Variants in INPP5D observed in about 807,000 individuals in gnomAD.
The protein encoded by INPP5D is inositol polyphosphate-5-phosphatase D.
INPP5D carries 33 observed loss-of-function variants against 122.9 expected under a neutral mutation model. The observed-to-expected ratio is 0.27, with a 90% CI of 0.20 to 0.36. The LOEUF is 0.36. INPP5D is among the 10% of genes least tolerant of loss of function. The probability of loss-of-function intolerance (pLI) is 1.00; values close to 1 mark genes in which losing one functional copy is unlikely to be tolerated. For missense variants in INPP5D, 1,053 were observed against 1,412.7 expected (o/e 0.75, Z 4.08); for synonymous variants, 584 against 576.2 (o/e 1.01, Z -0.19).
chr2:233,121,677 G>C lies in INPP5D; in HGVS notation c.199-430G>C, dbSNP rs527532909. 7.5e-4 allele frequency among the ~76,000 whole-genome samples: 113 copies of C among 151,334 alleles called. 1 individual carries two copies. Among genetic ancestry groups the C allele is most frequent in the African/African-American group, 2.6e-3 (106 of 41,016 alleles). On this transcript the variant is annotated intron_variant, in intron 2 of 26. Transcript: ENST00000445964. ...ATTACAGGCACCTGCCACCACGCCC[G>C]GCTAATTTTTGTATTCTTTTTTTTT...
intron 2 of INPP5D, among the ~76,000 whole-genome samples, chr2:233,087,629 G>A (rs1691887589): frequency 6.6e-6 from 1 of 151,948 alleles, no homozygotes; most frequent in African/African-American, 2.4e-5. Context: ...CCAGCCCTGA[G>A]GTATTTGAAA....
chr2:233,130,684 C>G, intron 5 of INPP5D, 36 bp downstream of exon 5: 1 of 1,611,500 alleles, frequency 6.2e-7, no homozygotes, highest in Non-Finnish European at 8.5e-7. Flanking sequence ...CAGGTGGGGG[C>G]GGCCACCAGG....
chr2:233,180,862 C>T (rs972709610), intron 18 of INPP5D, among the ~76,000 whole-genome samples: 3 of 150,470 alleles, frequency 2.0e-5, no homozygotes, highest in Non-Finnish European at 4.4e-5. Flanking sequence ...TTAGTAGAGA[C>T]GGGGTTTTGC....
intron 5 of INPP5D, chr2:233,131,032 A>T: frequency 3.7e-6 from 1 of 266,922 alleles, no homozygotes; most frequent in Non-Finnish European, 5.8e-6. Flanking sequence ...ATCAAAAGGA[A>T]ATAAATTAAA....
chr2:233,172,636 AACCCAGAGAAAAT>A (rs1401246433), intron 17 of INPP5D, among the ~76,000 whole-genome samples: 1 of 152,226 alleles, frequency 6.6e-6, no homozygotes, highest in Admixed American at 6.5e-5. Flanking sequence ...TCAGTGGAAG[AACCCAGAGAAAAT>A]ACCCAGAAGG....
chr2:233,206,437 G>A lies in INPP5D; in HGVS notation c.3568-269G>A, dbSNP rs1472514418. Among the ~76,000 whole-genome samples the A allele has an allele frequency of 6.6e-6, 1 of 152,048 alleles. No homozygotes were observed. The highest frequency in any genetic ancestry group is 2.4e-5 in the African/African-American group (1 of 41,378). ...AGCTACTGGGGAGGCTGAGGCATGA[G>A]GCTAGCTGGAACCCAAGAATTCAAG... On this transcript the variant is annotated intron_variant, in intron 26 of 26. Transcript: ENST00000445964. This position sits in a 1 kb window ranked among gnomAD's most constrained non-coding sequence, Gnocchi z 4.0.
chr2:233,194,982 GA>G (rs1180851977), intron 23 of INPP5D, among the ~76,000 whole-genome samples: 1 of 152,032 alleles, frequency 6.6e-6, no homozygotes, highest in Non-Finnish European at 1.5e-5. Flanking sequence ...TTTTAGTAGA[GA>G]CAGTGTTTCA....
intron 9 of INPP5D, among the ~76,000 whole-genome samples, chr2:233,157,550 G>C (rs907328627): frequency 6.6e-6 from 1 of 152,150 alleles, no homozygotes; most frequent in Non-Finnish European, 1.5e-5. Context: ...AACAAACACT[G>C]AGTACTTATC....
At position 233,122,020 on chromosome 2, in the gene INPP5D, C is replaced by A. The variant is rs557572539; in HGVS notation, c.199-87C>A. The A allele has an allele frequency of 6.0e-6, 9 of 1,489,980 alleles. No individual in the cohort carries two copies. The South Asian group carries it at 8.6e-5, about 14-fold the overall frequency. The allele number at this position is 1,489,980 out of a possible 1,614,324, so 92.3% of individuals were successfully genotyped here. On this transcript the variant is annotated intron_variant, in intron 2 of 26. Transcript: ENST00000445964. ...TGGATCGCAGTCACTCCCTCCGCCT[C>A]GCTGGTCTCTGCTGCAGTTGGCCTT...
chr2:233,088,554 C>T (rs1691911576), intron 2 of INPP5D, among the ~76,000 whole-genome samples: 2 of 152,208 alleles, frequency 1.3e-5, no homozygotes, highest in African/African-American at 4.8e-5. Flanking sequence ...CTTCTGTTTC[C>T]TCCTCAGAAA....
chr2:233,091,914 G>T (rs546886004), intron 2 of INPP5D, among the ~76,000 whole-genome samples: 1 of 152,336 alleles, frequency 6.6e-6, no homozygotes, highest in South Asian at 2.1e-4. Flanking sequence ...CCAGAAGGAT[G>T]CCTGGCACAG....
At chr2:233,198,447 C>G (rs1695243603) in intron 25 of INPP5D, 71 bp downstream of exon 25, 5 of 1,524,604 alleles carry the variant, frequency 3.3e-6, no homozygotes, top group Admixed American at 2.1e-5. Flanking sequence ...GGCTTTCACC[C>G]TAGAATGGAA....
rs1692997638 is a variant in INPP5D at position 233,122,031 on chromosome 2, G to T, written c.199-76G>T. The T allele has an allele frequency of 2.6e-6, 4 of 1,547,890 alleles. No homozygotes were observed. In the African/African-American group the frequency reaches 4.1e-5, roughly 16 times the overall value. ...CACTCCCTCCGCCTCGCTGGTCTCT[G>T]CTGCAGTTGGCCTTTGTGGTTGGCT... On this transcript the variant is annotated intron_variant, in intron 2 of 26. Coordinates refer to ENST00000445964, the MANE Select transcript of INPP5D (RefSeq NM_001017915.3).
At chr2:233,181,207 T>C (rs1007062123) in intron 18 of INPP5D, among the ~76,000 whole-genome samples, 1 of 151,214 alleles carries the variant, frequency 6.6e-6, no homozygotes, top group African/African-American at 2.4e-5. Context: ...GTGAGCTTTT[T>C]TTCTTTTCAT....
chr2:233,065,580 C>CTTCTTTGTTTCTTTCT (rs1202054837), intron 1 of INPP5D, among the ~76,000 whole-genome samples: 1 of 13,262 alleles, frequency 7.5e-5, no homozygotes, highest in African/African-American at 4.2e-4. Flanking sequence ...TCTTTCTTTC[C>CTTCTTTGTTTCTTTCT]TTCTTTCTTT....
intron 5 of INPP5D, among the ~76,000 whole-genome samples, chr2:233,136,261 T>A (rs1693460500): frequency 6.6e-6 from 1 of 152,298 alleles, no homozygotes; most frequent in African/African-American, 2.4e-5. Context: ...GCAGATCACT[T>A]GAGGTCAGGA....
chr2:233,135,882 A>T (rs1693454260), intron 5 of INPP5D, among the ~76,000 whole-genome samples: 1 of 152,200 alleles, frequency 6.6e-6, no homozygotes, highest in Non-Finnish European at 1.5e-5. Context: ...CAGCTTACTG[A>T]GCAGCAAAAT....
At chr2:233,191,093 G>A (rs1432736423) in intron 22 of INPP5D, among the ~76,000 whole-genome samples, 2 of 152,176 alleles carry the variant, frequency 1.3e-5, no homozygotes, top group Admixed American at 1.3e-4. Flanking sequence ...ACTTAAGACG[G>A]GTAATTTATA....
chr2:233,110,799 C>T (rs1290054767), intron 2 of INPP5D, among the ~76,000 whole-genome samples: 2 of 152,066 alleles, frequency 1.3e-5, no homozygotes, highest in African/African-American at 2.4e-5. Flanking sequence ...GTGGCACATG[C>T]CTGTAGTCCC....
Sources: allele counts gnomAD v4.1 joint callset (sites outside exome capture counted in the v4.1 genomes callset), GRCh38; gene constraint gnomAD v4.1.1; non-coding constraint Gnocchi (gnomAD v3.1); transcripts MANE v1.5; gene names NCBI Gene and HGNC (gene_info 2026-07-23, HGNC 2026-07-21).